TRIO: variants seen among roughly 807,000 people sequenced by gnomAD.
TRIO encodes triple functional domain protein.
TRIO carries 58 observed loss-of-function variants against 351.9 expected under a neutral mutation model. The ratio of observed to expected loss-of-function variants is 0.16; its 90% CI spans 0.13 to 0.21. The LOEUF (loss-of-function observed/expected upper bound fraction) is 0.21, where lower values mean the gene tolerates loss of function less well. Among genes scored for constraint, TRIO ranks in the 10% least tolerant of loss-of-function variants. The pLI, the probability that TRIO is intolerant of heterozygous loss-of-function variation, is 1.00. For missense variants in TRIO, 3,201 were observed against 4,027.8 expected, an observed-to-expected ratio of 0.79 and a Z score of 5.56; for synonymous variants, 1,758 against 1,595.7, an observed-to-expected ratio of 1.10 and a Z score of -2.42.
intron 33 of TRIO, among the ~76,000 whole-genome samples, chr5:14,416,248 C>T (rs1209960372): frequency 6.6e-6 from 1 of 150,928 alleles, no homozygotes; most frequent in East Asian, 1.9e-4. Context: ...TAACGATTTG[C>T]ACTGCTTCCT....
rs186436461 is a variant in TRIO, at chr5:14,390,121, A to C, written c.4059-110A>C. The C allele has an allele frequency of 1.1e-4, 96 of 913,504 alleles. No homozygotes were observed. In the African/African-American group the frequency reaches 1.5e-3, roughly 14 times the overall value. The allele number at this position is 913,504 out of a possible 1,614,324, so 56.6% of individuals were successfully genotyped here. ...ATAACTTACCCTAGTTAAGAGCTACATGTTTTGTTCATTCTTTAGGGGGCA... is the reference window on the plus strand; with the variant it reads ...ATAACTTACCCTAGTTAAGAGCTACCTGTTTTGTTCATTCTTTAGGGGGCA... On this transcript the variant is annotated intron_variant, in intron 25 of 56. Coordinates refer to ENST00000344204, the MANE Select transcript of TRIO (RefSeq NM_007118.4).
At chr5:14,501,128 T>A (rs1472583143) in intron 53 of TRIO, among the ~76,000 whole-genome samples, 3 of 151,174 alleles carry the variant, frequency 2.0e-5, no homozygotes, top group Non-Finnish European at 4.5e-5. Flanking sequence ...GAAAAAATAT[T>A]TTTATGTAAA....
chr5:14,209,154 G>A (rs1048249420), intron 1 of TRIO, among the ~76,000 whole-genome samples: 1 of 152,212 alleles, frequency 6.6e-6, no homozygotes, highest in African/African-American at 2.4e-5. Flanking sequence ...ATAACTTACA[G>A]GTCTCAGAGC....
chr5:14,153,654 T>G (rs1787953444), intron 1 of TRIO, among the ~76,000 whole-genome samples: 1 of 152,082 alleles, frequency 6.6e-6, no homozygotes, highest in Non-Finnish European at 1.5e-5. Flanking sequence ...GATGTCTGCT[T>G]CTGGTAGGGC....
intron 8 of TRIO, among the ~76,000 whole-genome samples, chr5:14,305,257 C>CCCTCTGCGG (rs1738259733): frequency 6.6e-6 from 1 of 152,234 alleles, no homozygotes; most frequent in Non-Finnish European, 1.5e-5. Context: ...TCAGTCACCA[C>CCCTCTGCGG]CCTCTGCGGC....
At chr5:14,495,787 A>G (rs907859398) in intron 49 of TRIO, among the ~76,000 whole-genome samples, 4 of 151,906 alleles carry the variant, frequency 2.6e-5, no homozygotes, top group African/African-American at 9.7e-5. Flanking sequence ...GCTAACAGTG[A>G]AACCCCATCT....
At chr5:14,180,857 AAAG>A (rs1789725702) in intron 1 of TRIO, among the ~76,000 whole-genome samples, 1 of 152,304 alleles carries the variant, frequency 6.6e-6, no homozygotes, top group African/African-American at 2.4e-5. Flanking sequence ...CAAAAAAAAA[AAAG>A]AAATATAGGT....
At chr5:14,280,648 C>T (rs1735913922) in intron 3 of TRIO, among the ~76,000 whole-genome samples, 1 of 152,022 alleles carries the variant, frequency 6.6e-6, no homozygotes. Context: ...TAGGTAAGAG[C>T]TTTGTGTGTT....
chr5:14,444,652 T>C (rs559875309), intron 34 of TRIO, among the ~76,000 whole-genome samples: 28 of 152,324 alleles, frequency 1.8e-4, no homozygotes, highest in African/African-American at 6.5e-4. Context: ...AAAATCTACA[T>C]TGAAGGTTCT....
At chr5:14,340,929 C>T (rs1741888694) in intron 11 of TRIO, among the ~76,000 whole-genome samples, 1 of 152,208 alleles carries the variant, frequency 6.6e-6, no homozygotes, top group Non-Finnish European at 1.5e-5. Flanking sequence ...CCCTCAAGCC[C>T]AGATTTGGAA....
chr5:14,308,419 T>C (rs1738576432), intron 8 of TRIO, among the ~76,000 whole-genome samples: 1 of 138,718 alleles, frequency 7.2e-6, no homozygotes, highest in African/African-American at 2.9e-5. Context: ...CATCCATCCT[T>C]CCATCCAACC....
chr5:14,474,687 A>G (rs967186423), intron 40 of TRIO, among the ~76,000 whole-genome samples: 2 of 152,124 alleles, frequency 1.3e-5, no homozygotes, highest in African/African-American at 4.8e-5. Context: ...TTTTAGAGAC[A>G]GGGTCTTGCT....
At chr5:14,258,594 C>T (rs76929016) in intron 1 of TRIO, among the ~76,000 whole-genome samples, 5,043 of 152,182 alleles carry the variant, frequency 0.033, 292 homozygotes, top group African/African-American at 0.12. Flanking sequence ...AGGATCTTAC[C>T]CCACTCAGAT....
intron 31 of TRIO, among the ~76,000 whole-genome samples, chr5:14,403,252 G>GGTT (rs1748290343): frequency 7.1e-6 from 1 of 141,482 alleles, no homozygotes; most frequent in African/African-American, 2.7e-5. Flanking sequence ...TGAGGGTACA[G>GGTT]GTGGTGGTGA....
rs568922363 is a variant in TRIO, at chr5:14,332,983, C to T, written c.1854+2083C>T. Among the ~76,000 whole-genome samples, 23 of 152,282 alleles carry T rather than the reference C, an allele frequency of 1.5e-4. No homozygotes were observed. The East Asian group carries it at 4.0e-3, about 27-fold the overall frequency. ...AGCCACTAGAAGCCAAATGCGCCTG[C>T]GACTTTGCCCTTCCTGCAGTCTTCA... is the stretch of plus-strand genomic sequence containing the variant. On this transcript the variant is annotated intron_variant, in intron 10 of 56. Transcript: ENST00000344204.
chr5:14,184,394 G>C (rs146653535), intron 1 of TRIO, among the ~76,000 whole-genome samples: 1 of 152,220 alleles, frequency 6.6e-6, no homozygotes, highest in East Asian at 1.9e-4. Flanking sequence ...CTTCCCTTCT[G>C]CAACGTGCCC....
At chr5:14,181,549 G>A (rs984138088) in intron 1 of TRIO, among the ~76,000 whole-genome samples, 1 of 152,222 alleles carries the variant, frequency 6.6e-6, no homozygotes, top group Non-Finnish European at 1.5e-5. Context: ...GTGAGTGGAT[G>A]TGGAGCGTTT....
chr5:14,486,967 A>G (rs1755960021), intron 47 of TRIO, among the ~76,000 whole-genome samples: 1 of 152,114 alleles, frequency 6.6e-6, no homozygotes, highest in Non-Finnish European at 1.5e-5. Context: ...TTCTACAATG[A>G]AGATGTAAGA....
At chr5:14,217,679 T>C (rs1053221955) in intron 1 of TRIO, among the ~76,000 whole-genome samples, 5 of 152,232 alleles carry the variant, frequency 3.3e-5, no homozygotes, top group Non-Finnish European at 7.3e-5. Context: ...TGGGCAGCTA[T>C]GTGAATGTGA....
Sources: allele counts gnomAD v4.1 joint callset (sites outside exome capture counted in the v4.1 genomes callset), GRCh38; gene constraint gnomAD v4.1.1; transcripts MANE v1.5; gene names NCBI Gene and HGNC (gene_info 2026-07-23, HGNC 2026-07-21).